Variants in REDIC1 observed in about 807,000 individuals in gnomAD.
REDIC1 encodes the protein HEI10 Interacting Protein 1.
chr12:39,896,357 T>C, the REDIC1 span, among the ~76,000 whole-genome samples: 2 of 139,266 alleles, frequency 1.4e-5, no homozygotes, highest in Non-Finnish European at 3.1e-5. Context: ...TGTATGTATA[T>C]GTGTATATAT....
chr12:39,668,489 T>A, the REDIC1 span, among the ~76,000 whole-genome samples: 1 of 152,258 alleles, frequency 6.6e-6, no homozygotes, highest in African/African-American at 2.4e-5. Flanking sequence ...TCTCTCTGGC[T>A]GCCCTTAACA....
chr12:39,873,312 G>A, the REDIC1 span, among the ~76,000 whole-genome samples: 3 of 152,262 alleles, frequency 2.0e-5, no homozygotes, highest in African/African-American at 7.2e-5. Context: ...TGAAAACTGC[G>A]AATGTTTTGC....
chr12:39,744,940 A>G, the REDIC1 span, among the ~76,000 whole-genome samples: 2 of 152,216 alleles, frequency 1.3e-5, no homozygotes, highest in Non-Finnish European at 2.9e-5. Flanking sequence ...GTTGTTTTCA[A>G]GAAGCTCACT....
At chr12:39,844,863 T>C in the REDIC1 span, among the ~76,000 whole-genome samples, 1 of 152,056 alleles carries the variant, frequency 6.6e-6, no homozygotes, top group Non-Finnish European at 1.5e-5. Context: ...TTGCTTGAAA[T>C]ATTACAAGGA....
the REDIC1 span, among the ~76,000 whole-genome samples, chr12:39,831,812 C>T: frequency 6.6e-3 from 1,005 of 152,168 alleles, 10 homozygotes; most frequent in African/African-American, 0.023. Context: ...TGGCTGTTCC[C>T]CCTTAGCCTT....
chr12:39,842,127 T>C, the REDIC1 span, among the ~76,000 whole-genome samples: 2 of 152,226 alleles, frequency 1.3e-5, no homozygotes, highest in East Asian at 1.9e-4. Flanking sequence ...CCTAAGGATG[T>C]TGACTTCCAA....
At chr12:39,791,052 C>T in the REDIC1 span, among the ~76,000 whole-genome samples, 1 of 134,750 alleles carries the variant, frequency 7.4e-6, no homozygotes, top group Non-Finnish European at 1.6e-5. Context: ...CCTTTGCCCA[C>T]TTTTTGATGG....
the REDIC1 span, among the ~76,000 whole-genome samples, chr12:39,805,950 G>A: frequency 6.6e-6 from 1 of 152,172 alleles, no homozygotes; most frequent in Non-Finnish European, 1.5e-5. Flanking sequence ...ACAATTAATG[G>A]CTGGTCTATT....
chr12:39,781,999 T>A, the REDIC1 span, among the ~76,000 whole-genome samples: 1 of 152,192 alleles, frequency 6.6e-6, no homozygotes, highest in East Asian at 1.9e-4. Context: ...AACTGAAAAT[T>A]ACCCAACATC....
the REDIC1 span, among the ~76,000 whole-genome samples, chr12:39,662,174 T>C: frequency 1.7e-4 from 26 of 152,088 alleles, no homozygotes; most frequent in Admixed American, 9.2e-4. Context: ...TTTTTCGATG[T>C]CTGTGAAAAA....
At chr12:39,771,758 C>G in the REDIC1 span, among the ~76,000 whole-genome samples, 1 of 152,178 alleles carries the variant, frequency 6.6e-6, no homozygotes, top group Non-Finnish European at 1.5e-5. Context: ...CTGACCACCT[C>G]ACTGCTCAAA....
chr12:39,821,421 A>T, the REDIC1 span, among the ~76,000 whole-genome samples: 27 of 151,578 alleles, frequency 1.8e-4, no homozygotes, highest in Admixed American at 7.9e-4. Context: ...AAAAAAAAAA[A>T]TTTTTTTTTG....
chr12:39,884,978 C>A, the REDIC1 span, among the ~76,000 whole-genome samples: 1 of 152,152 alleles, frequency 6.6e-6, no homozygotes, highest in Admixed American at 6.6e-5. Flanking sequence ...TATTCAGGTG[C>A]CTGACTAGAA....
the REDIC1 span, among the ~76,000 whole-genome samples, chr12:39,776,484 T>C: frequency 6.6e-6 from 1 of 152,212 alleles, no homozygotes; most frequent in Non-Finnish European, 1.5e-5. Context: ...TGATGTGGCA[T>C]ATGGTTTATA....
the REDIC1 span, chr12:39,788,686 A>G: frequency 9.2e-5 from 14 of 152,166 alleles, no homozygotes; most frequent in African/African-American, 3.1e-4. Flanking sequence ...AACTTTAGGA[A>G]TCATCTAAAA....
chr12:39,886,488 A>G, the REDIC1 span, among the ~76,000 whole-genome samples: 1 of 152,244 alleles, frequency 6.6e-6, no homozygotes, highest in East Asian at 1.9e-4. Flanking sequence ...GTCAGCATAC[A>G]TTTATTTAGG....
chr12:39,878,145 T>C, the REDIC1 span, among the ~76,000 whole-genome samples: 7 of 152,230 alleles, frequency 4.6e-5, no homozygotes, highest in Admixed American at 6.5e-5. Flanking sequence ...AAACCAATTA[T>C]ACCTCTTTTC....
chr12:39,860,449 A>G, the REDIC1 span, among the ~76,000 whole-genome samples: 1 of 152,174 alleles, frequency 6.6e-6, no homozygotes. Context: ...GCCCATGTCT[A>G]TGGACTTAAT....
At chr12:39,641,668 T>C in the REDIC1 span, among the ~76,000 whole-genome samples, 2 of 151,706 alleles carry the variant, frequency 1.3e-5, no homozygotes, top group Non-Finnish European at 3.0e-5. Context: ...AAATACATAA[T>C]GTTGAGCAAA....
Sources: allele counts gnomAD v4.1 joint callset (sites outside exome capture counted in the v4.1 genomes callset), GRCh38; gene constraint gnomAD v4.1.1; transcripts MANE v1.5; gene names NCBI Gene and HGNC (gene_info 2026-07-23, HGNC 2026-07-21).